Variants in BLTP2 observed in about 807,000 individuals in gnomAD.
BLTP2 encodes the protein bridge-like lipid transfer protein family member 2.
chr17:28,631,050 C>T, the BLTP2 span, among the ~76,000 whole-genome samples: 1 of 152,216 alleles, frequency 6.6e-6, no homozygotes, highest in South Asian at 2.1e-4. Flanking sequence ...TAATCTGCAA[C>T]CTACTCCTAT....
At chr17:28,645,130 C>T in the BLTP2 span, 14 of 1,259,868 alleles carry the variant, frequency 1.1e-5, no homozygotes, top group South Asian at 2.5e-4. Flanking sequence ...CGCGCAGCAC[C>T]GCCGCGGGCC....
the BLTP2 span, chr17:28,639,581 A>G: frequency 6.2e-7 from 1 of 1,614,146 alleles, no homozygotes; most frequent in Admixed American, 1.7e-5. Flanking sequence ...ACACCTGCAC[A>G]CTAGCCTTGA....
the BLTP2 span, chr17:28,639,825 G>A: frequency 6.4e-7 from 1 of 1,557,764 alleles, no homozygotes; most frequent in Non-Finnish European, 8.9e-7. Context: ...AGATTAAGGA[G>A]ACCATATGGG....
At chr17:28,621,196 G>A in the BLTP2 span, 1 of 1,604,474 alleles carries the variant, frequency 6.2e-7, no homozygotes, top group Non-Finnish European at 8.5e-7. Flanking sequence ...AAAGAGATAA[G>A]AAAAAGACAT....
the BLTP2 span, chr17:28,623,925 C>T: frequency 2.5e-6 from 4 of 1,614,066 alleles, no homozygotes; most frequent in Non-Finnish European, 3.4e-6. Flanking sequence ...TGGCAGCTGA[C>T]ACAATGACAC....
the BLTP2 span, among the ~76,000 whole-genome samples, chr17:28,630,954 G>A: frequency 6.6e-6 from 1 of 152,090 alleles, no homozygotes; most frequent in Admixed American, 6.6e-5. Flanking sequence ...TCAAAAAGAA[G>A]GATGCTGATA....
At chr17:28,641,757 C>G in the BLTP2 span, 1 of 810,430 alleles carries the variant, frequency 1.2e-6, no homozygotes, top group African/African-American at 1.7e-5. Context: ...TTTCCTCTAA[C>G]TATCCTTAGG....
chr17:28,620,718 A>G, the BLTP2 span: 1 of 1,439,088 alleles, frequency 6.9e-7, no homozygotes, highest in Non-Finnish European at 9.6e-7. Context: ...GAACCACCCC[A>G]CTAGTCAACC....
the BLTP2 span, chr17:28,642,181 C>A: frequency 6.3e-7 from 1 of 1,580,804 alleles, no homozygotes; most frequent in South Asian, 1.1e-5. Context: ...AGGGAACCCC[C>A]TAAGGTCAAA....
At chr17:28,634,593 G>A in the BLTP2 span, 1 of 1,614,168 alleles carries the variant, frequency 6.2e-7, no homozygotes, top group Non-Finnish European at 8.5e-7. Context: ...GGGGAAAAGG[G>A]CTGCCTGGAT....
the BLTP2 span, chr17:28,632,794 C>CA: frequency 1.9e-6 from 1 of 533,684 alleles, no homozygotes. Flanking sequence ...TTTCCCCTGC[C>CA]AAAAAACAAA....
chr17:28,635,721 T>A, the BLTP2 span: 1 of 1,144,644 alleles, frequency 8.7e-7, no homozygotes, highest in African/African-American at 1.6e-5. Context: ...CACCCAGAAG[T>A]TGTTCCTGAG....
chr17:28,642,750 C>G, the BLTP2 span: 6 of 685,962 alleles, frequency 8.7e-6, no homozygotes, highest in South Asian at 1.1e-4. Flanking sequence ...TTGGAAATGT[C>G]TAATCTTAGC....
the BLTP2 span, among the ~76,000 whole-genome samples, chr17:28,622,668 T>C: frequency 2.0e-5 from 3 of 152,338 alleles, no homozygotes; most frequent in East Asian, 5.8e-4. Flanking sequence ...CAGGGTAAAA[T>C]ATAACCTGGT....
the BLTP2 span, among the ~76,000 whole-genome samples, chr17:28,624,641 A>AT: frequency 6.6e-6 from 1 of 151,844 alleles, no homozygotes; most frequent in Non-Finnish European, 1.5e-5. Context: ...GCTAGGTAAC[A>AT]TTTTTTTCTC....
chr17:28,635,054 G>C, the BLTP2 span: 1 of 1,613,468 alleles, frequency 6.2e-7, no homozygotes, highest in Non-Finnish European at 8.5e-7. Context: ...AGCCACTTCT[G>C]AACTCCCACA....
the BLTP2 span, chr17:28,616,904 A>T: frequency 6.2e-7 from 1 of 1,613,922 alleles, no homozygotes; most frequent in Non-Finnish European, 8.5e-7. This position sits in a 1 kb window ranked among gnomAD's most constrained non-coding sequence, Gnocchi z 4.8. Flanking sequence ...AATGCTCCTT[A>T]ACAGAGATAC....
At chr17:28,626,729 C>T in the BLTP2 span, among the ~76,000 whole-genome samples, 1 of 152,218 alleles carries the variant, frequency 6.6e-6, no homozygotes, top group African/African-American at 2.4e-5. Flanking sequence ...GTTCCTGGGG[C>T]ATAGCATGCC....
At chr17:28,638,341 C>T in the BLTP2 span, 1 of 1,614,096 alleles carries the variant, frequency 6.2e-7, no homozygotes, top group Non-Finnish European at 8.5e-7. Flanking sequence ...GAGTCACTGC[C>T]CACACGCCAG....
Sources: gnomAD v4.1 joint callset for allele counts (sites outside exome capture counted in the v4.1 genomes callset) on GRCh38, gnomAD v4.1.1 for gene constraint, Gnocchi (gnomAD v3.1) non-coding constraint, MANE v1.5 for transcripts, NCBI Gene and HGNC (gene_info 2026-07-23, HGNC 2026-07-21) for gene names.